Variants in RICTOR observed in about 807,000 individuals in gnomAD.
The protein encoded by RICTOR is RPTOR independent companion of MTOR complex 2.
In RICTOR, 49 loss-of-function variants were observed where a neutral mutation model predicts 214.9. That is an observed-to-expected ratio of 0.23 (90% CI 0.18 to 0.29). The LOEUF (loss-of-function observed/expected upper bound fraction) is 0.29. Ranked by LOEUF, RICTOR falls within the 10% of genes least tolerant of loss-of-function variation. The pLI, the probability that RICTOR is intolerant of heterozygous loss-of-function variation, is 1.00. For synonymous variants in RICTOR, 717 were observed against 711.3 expected, an observed-to-expected ratio of 1.01 and a Z score of -0.13; for missense variants, 1,625 against 2,047.0, an observed-to-expected ratio of 0.79 and a Z score of 3.98.
intron 2 of RICTOR, among the ~76,000 whole-genome samples, chr5:39,050,916 T>C (rs894783659): frequency 1.3e-5 from 2 of 152,160 alleles, no homozygotes; most frequent in African/African-American, 4.8e-5. Context: ...TAATGAAATA[T>C]TTTTAATAAG....
At position 38,959,423 on chromosome 5, in the gene RICTOR, A is replaced by T. The variant is rs1340814031; in HGVS notation, c.2052-102T>A. ...AGCTTTACTGAAGTATAAATGACAAATAAAAATTGTATTATTCAAAGTGTA... is the reference window on the plus strand; with the variant it reads ...AGCTTTACTGAAGTATAAATGACAATTAAAAATTGTATTATTCAAAGTGTA... On this transcript the variant is annotated intron_variant, in intron 21 of 37. Transcript: ENST00000357387. 10 of 701,526 alleles carry T rather than the reference A, an allele frequency of 1.4e-5. No individual in the cohort carries two copies. The East Asian group carries it at 2.5e-4, about 18-fold the overall frequency. 43.5% of individuals were successfully genotyped at this position (701,526 alleles called of 1,614,324 possible).
At chr5:39,056,529 G>C (rs1758217742) in intron 2 of RICTOR, among the ~76,000 whole-genome samples, 1 of 151,978 alleles carries the variant, frequency 6.6e-6, no homozygotes, top group African/African-American at 2.4e-5. Flanking sequence ...CCAACTACGT[G>C]GGGGTGCTGA....
intron 5 of RICTOR, among the ~76,000 whole-genome samples, chr5:38,999,190 C>T (rs181987080): frequency 2.1e-3 from 324 of 151,378 alleles, no homozygotes; most frequent in African/African-American, 7.4e-3. Context: ...CACAACAAAA[C>T]GTTGAAAAAT....
At chr5:38,991,812 A>G (rs1752796288) in intron 6 of RICTOR, among the ~76,000 whole-genome samples, 1 of 152,156 alleles carries the variant, frequency 6.6e-6, no homozygotes, top group Admixed American at 6.6e-5. Context: ...GGAAACAGAA[A>G]ATTATGTAGC....
At position 39,017,545 on chromosome 5, in the gene RICTOR, TA is replaced by T. The variant is rs534243159; in HGVS notation, c.195+3493del. Among the ~76,000 whole-genome samples, 1,449 of 146,926 alleles carry T rather than the reference TA, an allele frequency of 9.9e-3. 8 individuals carry two copies. The highest frequency in any genetic ancestry group is 0.015 in the Non-Finnish European group (998 of 66,330). ...GTCAATGTTTTTAAAAGCTGTTTTT[TA>T]AAAAAAAAAACTTTCTCATCCCTCA... On this transcript the variant is annotated intron_variant, in intron 3 of 37. Coordinates refer to ENST00000357387, the MANE Select transcript of RICTOR (RefSeq NM_152756.5).
intron 2 of RICTOR, among the ~76,000 whole-genome samples, chr5:39,045,475 A>G (rs1189816011): frequency 6.6e-6 from 1 of 152,154 alleles, no homozygotes; most frequent in Admixed American, 6.5e-5. Flanking sequence ...TTAGTCTGTT[A>G]TATTTTACAA....
chr5:39,073,129 A>G (rs565549079), intron 2 of RICTOR, among the ~76,000 whole-genome samples: 15 of 152,338 alleles, frequency 9.8e-5, no homozygotes, highest in Middle Eastern at 3.4e-3. Flanking sequence ...GTCTACAACA[A>G]GTTTTTTTGT....
intron 3 of RICTOR, among the ~76,000 whole-genome samples, chr5:39,005,091 ACT>A (rs1485569969): frequency 6.6e-6 from 1 of 151,294 alleles, no homozygotes; most frequent in Non-Finnish European, 1.5e-5. Flanking sequence ...TCTCACTCAG[ACT>A]CTTTTAAAGA....
chr5:38,975,486 G>T (rs1751130561), intron 10 of RICTOR, 51 bp downstream of exon 10: 2 of 1,218,742 alleles, frequency 1.6e-6, no homozygotes, highest in African/African-American at 1.5e-5. Context: ...ATTTGAAAAA[G>T]CAGTCTAGTT....
intron 3 of RICTOR, among the ~76,000 whole-genome samples, chr5:39,016,831 T>C (rs530163424): frequency 8.5e-5 from 13 of 152,308 alleles, no homozygotes; most frequent in South Asian, 8.3e-4. Flanking sequence ...TTAGTCTTAA[T>C]TGAAGTTTGT....
At chr5:38,958,643 A>T in intron 23 of RICTOR, 24 bp downstream of exon 23, 1 of 1,559,032 alleles carries the variant, frequency 6.4e-7, no homozygotes, top group Non-Finnish European at 8.7e-7. Context: ...TTTAAGTATT[A>T]AATTATAAAA....
chr5:39,049,623 A>T (rs1757714105), intron 2 of RICTOR, among the ~76,000 whole-genome samples: 1 of 151,926 alleles, frequency 6.6e-6, no homozygotes. Context: ...AAGAACACTA[A>T]AGAGAACATT....
In RICTOR at chr5:39,063,699, G is replaced by A. The variant is rs1028110021; in HGVS notation, c.97+10412C>T. Among the ~76,000 whole-genome samples, 8 of 152,180 alleles carry A rather than the reference G, an allele frequency of 5.3e-5. No individual in the cohort carries two copies. In the East Asian group the frequency reaches 1.2e-3, roughly 22 times the overall value. On this transcript the variant is annotated intron_variant, in intron 2 of 37. Transcript: ENST00000357387. Reference sequence around the variant, plus strand: ...CAACAGAAACTCCCTGAAGGAAGATGTATGCCTTCCTCAACCACAACAGTA... The same window carrying A: ...CAACAGAAACTCCCTGAAGGAAGATATATGCCTTCCTCAACCACAACAGTA...
At chr5:39,045,648 T>C (rs1043719986) in intron 2 of RICTOR, among the ~76,000 whole-genome samples, 2 of 152,196 alleles carry the variant, frequency 1.3e-5, no homozygotes, top group Admixed American at 1.3e-4. Context: ...TTTTTATATA[T>C]AGATATCCAG....
chr5:38,967,217 T>A lies in RICTOR; in HGVS notation c.1162A>T (p.Met388Leu). Residue 388 changes from methionine (M) to leucine (L), a missense_variant, in exon 14 of 38, where the codon ATG (methionine) becomes TTG (leucine). Around this residue, in one of 5 missense-constraint regions of RICTOR, gnomAD observed 1,214 missense variants for 1,470.5 expected, o/e 0.83. Coordinates refer to ENST00000357387, the MANE Select transcript of RICTOR (RefSeq NM_152756.5). Reference protein sequence around the residue: ...PHRARSRPDLMDNYLALILSA... With the variant: ...PHRARSRPDLLDNYLALILSA... ...AGTATCAGTGCCAAATAATTATCCA[T>A]GAGGTCTGGCCTGGAAAAAACAGCA... The A allele has an allele frequency of 6.2e-7, 1 of 1,612,818 alleles. No individual in the cohort carries two copies. The highest frequency in any genetic ancestry group is 8.5e-7 in the Non-Finnish European group (1 of 1,178,786).
intron 2 of RICTOR, among the ~76,000 whole-genome samples, chr5:39,035,171 C>A (rs1014047851): frequency 6.6e-6 from 1 of 152,144 alleles, no homozygotes. Context: ...CACCAATATC[C>A]ACTGTTCTGC....
At chr5:39,002,479 T>C (rs1170453212) in intron 5 of RICTOR, 56 bp downstream of exon 5, 3 of 1,182,380 alleles carry the variant, frequency 2.5e-6, no homozygotes, top group Non-Finnish European at 3.7e-6. Context: ...ATGGCAGGCA[T>C]GCTAAAAACT....
rs546773678 is a variant in RICTOR, at chr5:39,068,554, GTGTA to G, written c.97+5553_97+5556del. The stretch of plus-strand genomic sequence containing the variant: ...GAGCAAAAATTAGCCTAGAAAATGT[GTGTA>G]TGTGTTTTGTTTTGTTTTTTTATTT... On this transcript the variant is annotated intron_variant, in intron 2 of 37. Transcript: ENST00000357387. Among the ~76,000 whole-genome samples, 45 of 152,320 alleles carry G rather than the reference GTGTA, an allele frequency of 3.0e-4. 1 individual carries two copies. The East Asian group carries it at 7.5e-3, about 25-fold the overall frequency.
At position 38,941,357 on chromosome 5, in the gene RICTOR, C is replaced by T. The variant is rs2112768826; in HGVS notation, c.*947G>A. ...TTAAGGAAATATGGCTCTTCTTTCC[C>T]CATGGAATGTGTAAATTGCAAGCAA... On this transcript the variant is annotated 3_prime_UTR_variant, in exon 38 of 38. Coordinates refer to ENST00000357387, the MANE Select transcript of RICTOR (RefSeq NM_152756.5). The T allele has an allele frequency of 4.3e-6, 1 of 231,648 alleles. No individual in the cohort carries two copies. The highest frequency in any genetic ancestry group is 5.6e-5 in the Admixed American group (1 of 17,728). 14.3% of individuals were successfully genotyped at this position (231,648 alleles called of 1,614,324 possible).
Sources: gnomAD v4.1 joint callset for allele counts (sites outside exome capture counted in the v4.1 genomes callset) on GRCh38, gnomAD v4.1.1 for gene constraint, gnomAD v4.1.1 regional missense constraint, MANE v1.5 for transcripts, NCBI Gene and HGNC (gene_info 2026-07-23, HGNC 2026-07-21) for gene names.